The following LRRC7 variants were observed in gnomAD, a reference collection of about 807,000 sequenced individuals.
The protein encoded by LRRC7 is leucine rich repeat containing 7, also known as leucine-rich repeat-containing protein 7.
A neutral mutation model predicts 175.7 loss-of-function variants in LRRC7; 23 were observed. The observed-to-expected ratio is 0.13, with a 90% CI of 0.09 to 0.19. The LOEUF (loss-of-function observed/expected upper bound fraction) is 0.19, where lower values mean the gene tolerates loss of function less well. LRRC7 is among the 10% of genes least tolerant of loss of function. The pLI is 1.00. For missense variants in LRRC7, 1,354 were observed against 1,904.7 expected (o/e 0.71, Z 5.38); for synonymous variants, 685 against 680.9 (o/e 1.01, Z -0.09).
At chr1:69,940,457 G>A (rs528448938) in intron 8 of LRRC7, among the ~76,000 whole-genome samples, 2 of 152,202 alleles carry the variant, frequency 1.3e-5, no homozygotes, top group South Asian at 2.1e-4. Flanking sequence ...AGAACGGCAT[G>A]TATCTCCATG....
In LRRC7 at chr1:69,732,613, T is replaced by C. The variant is rs76229559; in HGVS notation, c.101-27578T>C. Among the ~76,000 whole-genome samples, 495 of 152,070 alleles carry C rather than the reference T, an allele frequency of 3.3e-3. 6 individuals carry two copies. The East Asian group carries it at 0.059, about 18-fold the overall frequency. ...TCTAGAAAGATTAGATTTAAGTAAA[T>C]ATAATAATAAAGTCCCATACTGAAG... On this transcript the variant is annotated intron_variant, in intron 2 of 26. Transcript: ENST00000651989.
At chr1:69,696,065 G>A (rs1283017533) in intron 2 of LRRC7, among the ~76,000 whole-genome samples, 1 of 152,202 alleles carries the variant, frequency 6.6e-6, no homozygotes, top group Middle Eastern at 3.2e-3. Flanking sequence ...ACCCCTGAAT[G>A]TTAGAGCAAC....
chr1:69,646,203 A>T (rs1420396255), intron 1 of LRRC7, among the ~76,000 whole-genome samples: 2 of 152,074 alleles, frequency 1.3e-5, no homozygotes, highest in Non-Finnish European at 1.5e-5. Context: ...TAAAATTGCT[A>T]TTAAAGTGCT....
intron 8 of LRRC7, among the ~76,000 whole-genome samples, chr1:69,939,023 ATATATATC>A (rs1557910960): frequency 6.5e-4 from 72 of 111,620 alleles, no homozygotes; most frequent in African/African-American, 2.3e-3. Flanking sequence ...ATCTATATAT[ATATATATC>A]TATATATATC....
chr1:70,075,384 A>C (rs1033029884), intron 23 of LRRC7, among the ~76,000 whole-genome samples: 4 of 152,200 alleles, frequency 2.6e-5, no homozygotes, highest in African/African-American at 4.8e-5. Context: ...CGCAGCAAGC[A>C]TACCCTCTCT....
chr1:69,718,125 GA>G lies in LRRC7; in HGVS notation c.100+39651del, dbSNP rs369845382. Reference sequence around the variant, plus strand: ...AAAGAGAGAAAAAGAAAGAAAGAAAGAAAAGAAAGAAAGAGAGAGAAAGAAA... The same window carrying G: ...AAAGAGAGAAAAAGAAAGAAAGAAAGAAAGAAAGAAAGAGAGAGAAAGAAA... On this transcript the variant is annotated intron_variant, in intron 2 of 26. Transcript: ENST00000651989. Among the ~76,000 whole-genome samples the G allele has an allele frequency of 8.1e-3, 263 of 32,604 alleles. 11 individuals carry two copies. Among genetic ancestry groups the G allele is most frequent in the African/African-American group, 0.015 (57 of 3,890 alleles). The allele number at this position is 32,604 out of a possible 152,430, so 21.4% of individuals were successfully genotyped here.
At chr1:69,661,067 G>T (rs1325913074) in intron 1 of LRRC7, among the ~76,000 whole-genome samples, 4 of 152,104 alleles carry the variant, frequency 2.6e-5, no homozygotes, top group Non-Finnish European at 1.5e-5. Context: ...TTGGGGTAAG[G>T]AACAGAAAAT....
intron 7 of LRRC7, among the ~76,000 whole-genome samples, chr1:69,887,582 A>G (rs1220379645): frequency 2.0e-5 from 3 of 152,064 alleles, no homozygotes; most frequent in African/African-American, 7.3e-5. Flanking sequence ...CATAGCTCAG[A>G]GTAATTTGAT....
intron 7 of LRRC7, among the ~76,000 whole-genome samples, chr1:69,862,090 T>C (rs1312357975): frequency 6.6e-6 from 1 of 152,178 alleles, no homozygotes; most frequent in East Asian, 1.9e-4. Context: ...CTAGCTTGGA[T>C]GGTCATTAGC....
chr1:69,890,479 C>T (rs576321459), intron 7 of LRRC7, among the ~76,000 whole-genome samples: 31 of 152,316 alleles, frequency 2.0e-4, no homozygotes, highest in Non-Finnish European at 4.0e-4. Flanking sequence ...ATTTCTAAAG[C>T]ACATGCAGAA....
chr1:69,834,471 G>GA (rs1680886250), intron 5 of LRRC7, among the ~76,000 whole-genome samples: 1 of 152,126 alleles, frequency 6.6e-6, no homozygotes, highest in South Asian at 2.1e-4. Context: ...AGATTTCCAT[G>GA]AAAAATGTCC....
At chr1:69,599,760 C>A (rs2100988635) in intron 1 of LRRC7, among the ~76,000 whole-genome samples, 1 of 152,218 alleles carries the variant, frequency 6.6e-6, no homozygotes, top group South Asian at 2.1e-4. Context: ...ATCTTTCCTT[C>A]CCCACAAGTC....
At chr1:69,966,919 T>C (rs776072609) in intron 8 of LRRC7, among the ~76,000 whole-genome samples, 13 of 152,136 alleles carry the variant, frequency 8.5e-5, no homozygotes, top group Admixed American at 3.3e-4. Context: ...CAGTTGAACT[T>C]TGTAACAATT....
intron 25 of LRRC7, among the ~76,000 whole-genome samples, chr1:70,096,535 T>C (rs1346343190): frequency 6.6e-6 from 1 of 152,090 alleles, no homozygotes; most frequent in African/African-American, 2.4e-5. Context: ...AGAAAAGTCA[T>C]ATTTATTTAT....
At chr1:69,636,111 T>C (rs1310683733) in intron 1 of LRRC7, among the ~76,000 whole-genome samples, 1 of 152,012 alleles carries the variant, frequency 6.6e-6, no homozygotes, top group East Asian at 1.9e-4. Flanking sequence ...TTTCAAAGAA[T>C]CTACCATGCA....
At chr1:69,948,040 C>T (rs1462236768) in intron 8 of LRRC7, among the ~76,000 whole-genome samples, 2 of 152,054 alleles carry the variant, frequency 1.3e-5, no homozygotes, top group Non-Finnish European at 2.9e-5. Flanking sequence ...GTAGTGGGTA[C>T]AGCATGAATA....
At chr1:69,680,372 C>G (rs1660325263) in intron 2 of LRRC7, among the ~76,000 whole-genome samples, 1 of 152,004 alleles carries the variant, frequency 6.6e-6, no homozygotes, top group Admixed American at 6.6e-5. Flanking sequence ...TTTTATTGTT[C>G]TCTAATATAA....
At chr1:69,602,765 A>C (rs1569854777) in intron 1 of LRRC7, among the ~76,000 whole-genome samples, 1 of 152,350 alleles carries the variant, frequency 6.6e-6, no homozygotes, top group Middle Eastern at 3.4e-3. Context: ...CATGGACCGT[A>C]TAATGATGTT....
chr1:69,738,099 T>C (rs1036598690), intron 2 of LRRC7, among the ~76,000 whole-genome samples: 3 of 152,194 alleles, frequency 2.0e-5, no homozygotes, highest in Middle Eastern at 3.4e-3. Flanking sequence ...AGATCGGTTT[T>C]AGTGTCAAAT....
Sources: gnomAD v4.1 joint callset for allele counts (sites outside exome capture counted in the v4.1 genomes callset) on GRCh38, gnomAD v4.1.1 for gene constraint, MANE v1.5 for transcripts, NCBI Gene and HGNC (gene_info 2026-07-23, HGNC 2026-07-21) for gene names.